Variants in OTOGL observed in about 807,000 individuals in gnomAD.
OTOGL encodes otogelin like.
In OTOGL, 285 loss-of-function variants were observed where a neutral mutation model predicts 318.5. That is an observed-to-expected ratio of 0.89 (90% CI 0.81 to 0.99). The LOEUF is 0.99. Among genes scored for constraint, OTOGL ranks in the 50% least tolerant of loss-of-function variants. The pLI, the probability that OTOGL is intolerant of heterozygous loss-of-function variation, is 0.00. For synonymous variants in OTOGL, 987 were observed against 936.5 expected (o/e 1.05, Z -0.99); for missense variants, 2,899 against 2,845.6 (o/e 1.02, Z -0.43).
Position 80,261,983 on chromosome 12 carries a change from T to C in OTOGL, c.1904T>C (p.Met635Thr), listed in dbSNP as rs376984407. 4 of 1,612,114 alleles carry C rather than the reference T, an allele frequency of 2.5e-6. No individual in the cohort carries two copies. Among genetic ancestry groups the C allele is most frequent in the Non-Finnish European group, 3.4e-6 (4 of 1,178,796 alleles). Residue 635 changes from methionine (M) to threonine (T), a missense_variant, in exon 19 of 59, where the codon ATG (methionine) becomes ACG (threonine). Around this residue, in one of 3 missense-constraint regions of OTOGL, gnomAD observed 2,607 missense variants for 2,524.9 expected, o/e 1.03. Transcript: ENST00000547103. ...TTGCTTTCTAGTTCTCCATCAGGCA[T>C]GATAGAAGGTACACCACAACTTCAC... ...IRDDFLSPSG[M>T]IEGTPQLHAN...
chr12:80,369,465 A>T (rs1436572017), intron 55 of OTOGL, among the ~76,000 whole-genome samples: 1 of 152,114 alleles, frequency 6.6e-6, no homozygotes, highest in Admixed American at 6.6e-5. Flanking sequence ...TTAAGAGTGT[A>T]GCAGTTACTG....
intron 1 of OTOGL, among the ~76,000 whole-genome samples, chr12:80,190,704 G>A (rs1331037134): frequency 6.7e-6 from 1 of 149,686 alleles, no homozygotes; most frequent in Admixed American, 6.7e-5. Flanking sequence ...GGAGAATGGC[G>A]TGAACCCAAG....
intron 1 of OTOGL, among the ~76,000 whole-genome samples, chr12:80,158,299 AT>A (rs912189260): frequency 6.6e-6 from 1 of 152,098 alleles, no homozygotes; most frequent in African/African-American, 2.4e-5. Flanking sequence ...AATTTAATAT[AT>A]TTAACTCCAG....
At chr12:80,101,692 A>G (rs902401752) in intron 1 of OTOGL, among the ~76,000 whole-genome samples, 1 of 152,286 alleles carries the variant, frequency 6.6e-6, no homozygotes, top group South Asian at 2.1e-4. Flanking sequence ...TTTTAAAAAA[A>G]TCCTCATTTA....
rs73139245 is a variant in OTOGL at position 80,356,818 on chromosome 12, T to C, written c.5923T>C (p.Leu1975=). The C allele has an allele frequency of 5.4e-3, 8,608 of 1,593,886 alleles. 33 individuals carry two copies. Among genetic ancestry groups the C allele is most frequent in the Non-Finnish European group, 6.2e-3 (7,222 of 1,171,026 alleles). The change falls in exon 49 of 59, where the codon TTG becomes CTG. Residue 1975 remains leucine, a synonymous_variant. Coordinates refer to ENST00000547103, the MANE Select transcript of OTOGL (RefSeq NM_001378609.3). ...CPQYKCECDP[L]KCPSISTPEC... ...TTTTGTTTCTGCAGAATGTGACCCA[T>C]TGAAATGCCCCAGTATTTCAACACC... is the stretch of plus-strand genomic sequence containing the variant.
chr12:80,262,605 C>T (rs1882636445), intron 19 of OTOGL, among the ~76,000 whole-genome samples: 1 of 152,090 alleles, frequency 6.6e-6, no homozygotes, highest in Non-Finnish European at 1.5e-5. Context: ...TTGAGATGGT[C>T]ATGCTCCAGA....
intron 44 of OTOGL, among the ~76,000 whole-genome samples, chr12:80,351,291 T>G (rs1021464029): frequency 2.4e-4 from 32 of 132,470 alleles, no homozygotes; most frequent in Non-Finnish European, 5.3e-4. Context: ...TGCCATTGTG[T>G]TTTTTTTTTT....
At chr12:80,198,403 G>C (rs980110563) in intron 1 of OTOGL, among the ~76,000 whole-genome samples, 1 of 152,122 alleles carries the variant, frequency 6.6e-6, no homozygotes, top group Non-Finnish European at 1.5e-5. Flanking sequence ...TGGCCAACAT[G>C]GTGAAACCCC....
At position 80,243,716 on chromosome 12, in the gene OTOGL, A is replaced by G. The variant is rs545940788; in HGVS notation, c.1052+4277A>G. Among the ~76,000 whole-genome samples the G allele has an allele frequency of 4.0e-5, 6 of 150,940 alleles. No individual in the cohort carries two copies. In the East Asian group the frequency reaches 9.7e-4, roughly 24 times the overall value. ...TAAATAAAGGAAAGTTTCTACACCT[A>G]ATTTGAAATGACAAAATGTCGAAGC... On this transcript the variant is annotated intron_variant, in intron 11 of 58. Coordinates refer to ENST00000547103, the MANE Select transcript of OTOGL (RefSeq NM_001378609.3).
chr12:80,103,409 C>A (rs915015615), intron 1 of OTOGL: 177 of 716,960 alleles, frequency 2.5e-4, no homozygotes, highest in Non-Finnish European at 5.1e-5. Flanking sequence ...ACTGTGGCAT[C>A]TTCTCACTTG....
chr12:80,304,619 T>C (rs1186614971), intron 28 of OTOGL, among the ~76,000 whole-genome samples: 1 of 152,210 alleles, frequency 6.6e-6, no homozygotes, highest in Non-Finnish European at 1.5e-5. Context: ...CCCAAAGATC[T>C]ATTCTTAGGT....
At chr12:80,238,572 C>T (rs1046029605) in intron 9 of OTOGL, among the ~76,000 whole-genome samples, 1 of 152,082 alleles carries the variant, frequency 6.6e-6, no homozygotes, top group Non-Finnish European at 1.5e-5. Flanking sequence ...CTGGTGTGTA[C>T]GTTGTACTCA....
In OTOGL at chr12:80,323,717, TCCCAGAAA is replaced by T; in HGVS notation, c.4082-5_4084del. 6.2e-7 allele frequency: 1 copy of T among 1,604,166 alleles called. No homozygotes were observed. The highest frequency in any genetic ancestry group is 8.5e-7 in the Non-Finnish European group (1 of 1,171,598). On this transcript the variant is annotated splice_acceptor_variant and splice_polypyrimidine_tract_variant and coding_sequence_variant and intron_variant, in exon 35 of 59. Transcript: ENST00000547103. LOFTEE classifies it high-confidence loss of function. The stretch of plus-strand genomic sequence containing the variant: ...TGCACACAATCTAAACTTTATTTTT[TCCCAGAAA>T]TCCAGGCAGCAGTGCCTTACAGGAA...
intron 34 of OTOGL, among the ~76,000 whole-genome samples, chr12:80,321,738 C>T (rs1887349661): frequency 3.3e-5 from 5 of 152,114 alleles, no homozygotes; most frequent in Admixed American, 2.6e-4. Flanking sequence ...GAAAAAGAAG[C>T]TCTAATATCT....
chr12:80,111,854 C>A (rs955896204), intron 1 of OTOGL, among the ~76,000 whole-genome samples: 1 of 152,164 alleles, frequency 6.6e-6, no homozygotes. Context: ...GCCATTTTCA[C>A]TATATTGATT....
At chr12:80,258,755 T>G (rs909518592) in intron 18 of OTOGL, among the ~76,000 whole-genome samples, 3 of 151,978 alleles carry the variant, frequency 2.0e-5, no homozygotes, top group Non-Finnish European at 4.4e-5. Flanking sequence ...GAATCTAAAA[T>G]AGTTGAAATC....
At chr12:80,201,877 T>C (rs1369293683) in intron 1 of OTOGL, among the ~76,000 whole-genome samples, 2 of 152,204 alleles carry the variant, frequency 1.3e-5, no homozygotes, top group African/African-American at 4.8e-5. Context: ...TCTATAATTC[T>C]ATGTCAGGGA....
chr12:80,259,763 A>C (rs1020540230), intron 18 of OTOGL, among the ~76,000 whole-genome samples: 2 of 152,040 alleles, frequency 1.3e-5, no homozygotes, highest in African/African-American at 4.8e-5. Context: ...CCAGTCTATC[A>C]TTGATGGGCA....
chr12:80,114,062 T>C (rs1870011469), intron 1 of OTOGL, among the ~76,000 whole-genome samples: 1 of 152,286 alleles, frequency 6.6e-6, no homozygotes, highest in Non-Finnish European at 1.5e-5. Flanking sequence ...CTTGACTCTT[T>C]ATCCAATTTG....
Sources: allele counts gnomAD v4.1 joint callset (sites outside exome capture counted in the v4.1 genomes callset), GRCh38; gene constraint gnomAD v4.1.1; regional missense constraint gnomAD v4.1.1; transcripts MANE v1.5; gene names NCBI Gene and HGNC (gene_info 2026-07-23, HGNC 2026-07-21).